Variants in KPNA3 observed in about 807,000 individuals in gnomAD.
The protein encoded by KPNA3 is karyopherin subunit alpha 3, also known as importin subunit alpha-4.
In KPNA3, 13 loss-of-function variants were observed where a neutral mutation model predicts 73.8. The ratio of observed to expected loss-of-function variants is 0.18; its 90% CI spans 0.11 to 0.28. The LOEUF (loss-of-function observed/expected upper bound fraction) is 0.28, where lower values mean the gene tolerates loss of function less well. KPNA3 is among the 10% of genes least tolerant of loss of function. The pLI, the probability that KPNA3 is intolerant of heterozygous loss-of-function variation, is 1.00. For missense variants in KPNA3, 360 were observed against 618.1 expected (o/e 0.58, Z 4.43); for synonymous variants, 186 against 206.9 (o/e 0.90, Z 0.87).
chr13:49,719,046 G>A (rs1388631950), intron 10 of KPNA3, among the ~76,000 whole-genome samples: 1 of 151,970 alleles, frequency 6.6e-6, no homozygotes, highest in African/African-American at 2.4e-5. Context: ...ATCAACACTA[G>A]TCACCGAAAT....
chr13:49,734,036 T>C (rs996905421), intron 2 of KPNA3, among the ~76,000 whole-genome samples: 2 of 152,230 alleles, frequency 1.3e-5, no homozygotes, highest in African/African-American at 2.4e-5. Flanking sequence ...GAGTGGTGTA[T>C]TATGAAGCAA....
At chr13:49,729,604 AC>A (rs1279075183) in intron 6 of KPNA3, among the ~76,000 whole-genome samples, 2 of 151,910 alleles carry the variant, frequency 1.3e-5, no homozygotes, top group African/African-American at 4.8e-5. Context: ...GAATGGTGAA[AC>A]CCCATCTCTA....
chr13:49,744,819 A>G (rs1954602948), intron 2 of KPNA3, among the ~76,000 whole-genome samples: 1 of 152,212 alleles, frequency 6.6e-6, no homozygotes, highest in Non-Finnish European at 1.5e-5. Flanking sequence ...GATGTCAGGA[A>G]CTATATACTA....
chr13:49,786,213 C>A (rs1378868209), intron 1 of KPNA3, among the ~76,000 whole-genome samples: 1 of 152,142 alleles, frequency 6.6e-6, no homozygotes, highest in Non-Finnish European at 1.5e-5. Flanking sequence ...CTTTCATTCC[C>A]AAATGTAGAC....
chr13:49,702,546 T>C, intron 15 of KPNA3, 66 bp from the exon 16 acceptor site: 1 of 743,804 alleles, frequency 1.3e-6, no homozygotes, highest in South Asian at 1.7e-5. Context: ...AAAACCACAC[T>C]CATTTTAATC....
At chr13:49,709,509 A>T in intron 12 of KPNA3, 63 bp downstream of exon 12, 30 of 1,385,720 alleles carry the variant, frequency 2.2e-5, no homozygotes, top group Non-Finnish European at 3.0e-5. Flanking sequence ...CAATAGAAAC[A>T]AGGAGACAGT....
intron 12 of KPNA3, among the ~76,000 whole-genome samples, chr13:49,708,303 G>A (rs977206800): frequency 2.0e-5 from 3 of 151,774 alleles, no homozygotes; most frequent in African/African-American, 4.8e-5. Context: ...CCAACTAAAC[G>A]TAAATTTAAA....
chr13:49,719,758 G>A lies in KPNA3; in HGVS notation c.771+17C>T. 1 of 1,581,770 alleles carries A rather than the reference G, an allele frequency of 6.3e-7. No homozygotes were observed. Among genetic ancestry groups the A allele is most frequent in the South Asian group, 1.1e-5 (1 of 89,116 alleles). ...ATCAAGAGCAAAATCCCACATTTAA[G>A]CTGCTTCTTAACTTACGTTTATATC... On this transcript the variant is annotated intron_variant, in intron 10 of 16. Coordinates refer to ENST00000261667, the MANE Select transcript of KPNA3 (RefSeq NM_002267.4).
chr13:49,706,144 G>C lies in KPNA3; in HGVS notation c.1163C>G (p.Ala388Gly), dbSNP rs1200363113. 1.2e-6 allele frequency: 2 copies of C among 1,613,828 alleles called. No homozygotes were observed. The highest frequency in any genetic ancestry group is 1.7e-5 in the Admixed American group (1 of 59,968). The change falls in exon 14 of 17, where the codon GCT (alanine) becomes GGT (glycine). Residue 388 changes from alanine (A) to glycine (G), a missense_variant. Physicochemically the swap from Ala to Gly is moderately conservative, Grantham distance 60. Around this residue, in one of 3 missense-constraint regions of KPNA3, gnomAD observed 287 missense variants for 549.1 expected, o/e 0.52. Transcript: ENST00000261667. ...AKGDFGTQKE[A>G]AWAISNLTIS... ...TGTTAAGTTGCTGATTGCCCAAGCAGCTTCTTTTTGTGTTCCAAAGTCCCC... is the reference window on the plus strand; with the variant it reads ...TGTTAAGTTGCTGATTGCCCAAGCACCTTCTTTTTGTGTTCCAAAGTCCCC...
intron 2 of KPNA3, among the ~76,000 whole-genome samples, chr13:49,741,739 C>T (rs1311315843): frequency 6.6e-6 from 1 of 152,212 alleles, no homozygotes; most frequent in Admixed American, 6.5e-5. Context: ...TAGGCGTGAG[C>T]CACCGTGCCC....
chr13:49,784,809 C>G (rs1390618353), intron 1 of KPNA3, among the ~76,000 whole-genome samples: 1 of 152,132 alleles, frequency 6.6e-6, no homozygotes, highest in Non-Finnish European at 1.5e-5. Flanking sequence ...TTGCTTGGTT[C>G]TAGCCACTGT....
At chr13:49,779,559 T>C (rs1413502068) in intron 1 of KPNA3, among the ~76,000 whole-genome samples, 1 of 152,190 alleles carries the variant, frequency 6.6e-6, no homozygotes, top group Non-Finnish European at 1.5e-5. Context: ...GCTCAGTCGT[T>C]TGTTCCTTTT....
intron 10 of KPNA3, 59 bp from the exon 11 acceptor site, chr13:49,711,081 C>T (rs2137535698): frequency 6.7e-7 from 1 of 1,496,558 alleles, no homozygotes. Context: ...TTTACTTGTT[C>T]AACACACCTC....
At chr13:49,729,029 C>T (rs960329777) in intron 6 of KPNA3, among the ~76,000 whole-genome samples, 6 of 152,152 alleles carry the variant, frequency 3.9e-5, no homozygotes, top group Non-Finnish European at 7.3e-5. Flanking sequence ...ATTCCCAGGA[C>T]CCTCAGTTCT....
At chr13:49,791,965 A>G (rs941656542) in intron 1 of KPNA3, among the ~76,000 whole-genome samples, 15 of 152,282 alleles carry the variant, frequency 9.9e-5, no homozygotes, top group African/African-American at 3.4e-4. Context: ...CGCAGAAGGT[A>G]GGAGCCCGGA....
chr13:49,783,704 G>A (rs1229134453), intron 1 of KPNA3, among the ~76,000 whole-genome samples: 1 of 152,140 alleles, frequency 6.6e-6, no homozygotes, highest in Non-Finnish European at 1.5e-5. Flanking sequence ...ATACCAAGAA[G>A]TTACTTTTTT....
At chr13:49,767,885 C>T (rs184023490) in intron 1 of KPNA3, among the ~76,000 whole-genome samples, 144 of 152,310 alleles carry the variant, frequency 9.5e-4, no homozygotes, top group Admixed American at 2.2e-3. Flanking sequence ...TTCATTAAAA[C>T]TTGTGCTTTA....
At chr13:49,774,987 C>T (rs1954884711) in intron 1 of KPNA3, among the ~76,000 whole-genome samples, 1 of 151,872 alleles carries the variant, frequency 6.6e-6, no homozygotes, top group Non-Finnish European at 1.5e-5. Context: ...AACCCTGCCT[C>T]TACTAAAAAT....
chr13:49,721,345 C>G (rs1193388438), intron 9 of KPNA3, among the ~76,000 whole-genome samples: 3 of 152,190 alleles, frequency 2.0e-5, no homozygotes, highest in Admixed American at 6.5e-5. Flanking sequence ...CAATGCAATA[C>G]AGTAATAAAA....
Sources: allele counts gnomAD v4.1 joint callset (sites outside exome capture counted in the v4.1 genomes callset), GRCh38; gene constraint gnomAD v4.1.1; regional missense constraint gnomAD v4.1.1; transcripts MANE v1.5; gene names NCBI Gene and HGNC (gene_info 2026-07-23, HGNC 2026-07-21).